Variants in PODXL observed in about 807,000 individuals in gnomAD.
PODXL encodes podocalyxin.
In PODXL, 20 loss-of-function variants were observed where a neutral mutation model predicts 48.9. The observed-to-expected ratio is 0.41, with a 90% confidence interval of 0.29 to 0.59. The LOEUF (loss-of-function observed/expected upper bound fraction) is 0.59, where lower values mean the gene tolerates loss of function less well. PODXL is among the 20% of genes least tolerant of loss of function. The pLI is 0.31. For missense variants in PODXL, 606 were observed against 675.1 expected, an observed-to-expected ratio of 0.90 and a Z score of 1.13; for synonymous variants, 295 against 287.4, an observed-to-expected ratio of 1.03 and a Z score of -0.27.
chr7:131,505,349 AG>A (rs1797779992), intron 8 of PODXL, among the ~76,000 whole-genome samples: 1 of 152,170 alleles, frequency 6.6e-6, no homozygotes, highest in Non-Finnish European at 1.5e-5. Flanking sequence ...GGACTAACCA[AG>A]TCTCCCTGAC....
At chr7:131,523,310 C>A (rs1284316143) in intron 1 of PODXL, among the ~76,000 whole-genome samples, 1 of 152,066 alleles carries the variant, frequency 6.6e-6, no homozygotes, top group Non-Finnish European at 1.5e-5. Flanking sequence ...GACATAATGA[C>A]CAAGTGAGGC....
At position 131,510,998 on chromosome 7, in the gene PODXL, G is replaced by A. The variant is rs140017492; in HGVS notation, c.536C>T (p.Thr179Met). 2.5e-5 allele frequency: 40 copies of A among 1,614,150 alleles called. No homozygotes were observed. In the African/African-American group the frequency reaches 3.3e-4, roughly 13 times the overall value. ...AAGTGGACTTGTAGGGTGAGGGGTC[G>A]TCAGATGTTCTGCCTTAGTGGATGT... The part of the protein sequence containing the change: ...DLTSTKAEHL[T>M]TPHPTSPLSP... The change falls in exon 2 of 9, where the codon ACG becomes ATG. Residue 179 changes from threonine to methionine, a missense_variant. Physicochemically the swap from Thr to Met is moderately conservative, Grantham distance 81 (BLOSUM62 -1). Coordinates refer to ENST00000378555, the MANE Select transcript of PODXL (RefSeq NM_001018111.3).
chr7:131,523,070 GT>G lies in PODXL; in HGVS notation c.101-11638del, dbSNP rs1172731535. On this transcript the variant is annotated intron_variant, in intron 1 of 8. Coordinates refer to ENST00000378555, the MANE Select transcript of PODXL (RefSeq NM_001018111.3). ...AGGATTGGAATTGCTAGGTCATATG[GT>G]AACTCTTTATTTAGTATCTGGAGGG... is the stretch of plus-strand genomic sequence containing the variant. Among the ~76,000 whole-genome samples the G allele has an allele frequency of 4.6e-5, 7 of 152,266 alleles. No homozygotes were observed. The South Asian group carries it at 1.0e-3, about 23-fold the overall frequency.
At position 131,509,004 on chromosome 7, in the gene PODXL, G is replaced by C. The variant is rs773408435; in HGVS notation, c.1048C>G (p.Gln350Glu). Residue 350 changes from glutamine to glutamate, a missense_variant, in exon 5 of 9, where the codon CAG becomes GAG. Transcript: ENST00000378555. Reference sequence around the variant, plus strand: ...ACGAGCTGCTTCTCACTCTGTGTCTGTGTCTCAAGATCCTCACACTTTGCC... The same window carrying C: ...ACGAGCTGCTTCTCACTCTGTGTCTCTGTCTCAAGATCCTCACACTTTGCC... ...NWAKCEDLET[Q>E]TQSEKQLVLN... 1 of 1,613,936 alleles carries C rather than the reference G, an allele frequency of 6.2e-7. No individual in the cohort carries two copies. The highest frequency in any genetic ancestry group is 2.2e-5 in the East Asian group (1 of 44,882).
chr7:131,525,625 T>C lies in PODXL; in HGVS notation c.101-14192A>G, dbSNP rs562745310. Among the ~76,000 whole-genome samples the C allele has an allele frequency of 1.2e-4, 18 of 150,460 alleles. No individual in the cohort carries two copies. The South Asian group carries it at 3.8e-3, about 32-fold the overall frequency. On this transcript the variant is annotated intron_variant, in intron 1 of 8. Transcript: ENST00000378555. ...CAAAAAAAAAAACACAAAAAAAGTA[T>C]AACATAACCTCGCTGAAGAGGGTGG...
At chr7:131,544,587 G>A (rs1376269979) in intron 1 of PODXL, among the ~76,000 whole-genome samples, 5 of 152,184 alleles carry the variant, frequency 3.3e-5, no homozygotes, top group African/African-American at 1.2e-4. Flanking sequence ...TCAGGGAGGC[G>A]TGGGCAGGAG....
chr7:131,532,157 C>T (rs1222610022), intron 1 of PODXL, among the ~76,000 whole-genome samples: 2 of 148,940 alleles, frequency 1.3e-5, no homozygotes, highest in Non-Finnish European at 3.0e-5. Flanking sequence ...CACACGTGGC[C>T]GGGCGTGGTG....
chr7:131,520,988 C>T (rs919215090), intron 1 of PODXL, among the ~76,000 whole-genome samples: 1 of 151,968 alleles, frequency 6.6e-6, no homozygotes, highest in Non-Finnish European at 1.5e-5. Context: ...GCCAATATGG[C>T]GAAATCCCAT....
At chr7:131,530,851 G>A (rs1226510244) in intron 1 of PODXL, among the ~76,000 whole-genome samples, 1 of 152,036 alleles carries the variant, frequency 6.6e-6, no homozygotes, top group Non-Finnish European at 1.5e-5. Flanking sequence ...CTGAGGTCGG[G>A]AGTATGAGAC....
At chr7:131,526,054 G>C (rs753512139) in intron 1 of PODXL, among the ~76,000 whole-genome samples, 1 of 152,220 alleles carries the variant, frequency 6.6e-6, no homozygotes, top group Non-Finnish European at 1.5e-5. Context: ...CAGTAGCATA[G>C]GGTACACCCA....
intron 1 of PODXL, among the ~76,000 whole-genome samples, chr7:131,545,419 C>G (rs1798559397): frequency 6.6e-6 from 1 of 152,208 alleles, no homozygotes; most frequent in South Asian, 2.1e-4. Flanking sequence ...TTACGCAGGA[C>G]TGTCTGGGTT....
At chr7:131,508,901 A>C (rs769013072) in intron 5 of PODXL, 50 bp downstream of exon 5, 2 of 1,263,412 alleles carry the variant, frequency 1.6e-6, no homozygotes, top group Non-Finnish European at 2.3e-6. Flanking sequence ...TCCCTCCCTC[A>C]GCCCTGCTGT....
chr7:131,544,863 CA>C (rs1584831650), intron 1 of PODXL, among the ~76,000 whole-genome samples: 1 of 152,324 alleles, frequency 6.6e-6, no homozygotes, highest in East Asian at 1.9e-4. Context: ...GGAACAATGA[CA>C]GCATGAAGGT....
At chr7:131,543,738 A>C (rs1798520002) in intron 1 of PODXL, among the ~76,000 whole-genome samples, 1 of 152,152 alleles carries the variant, frequency 6.6e-6, no homozygotes, top group Admixed American at 6.5e-5. Flanking sequence ...TGAGATGAAG[A>C]AAGGGCCGAG....
At position 131,504,179 on chromosome 7, in the gene PODXL, TG is replaced by T; in HGVS notation, c.*131del. 1 of 691,492 alleles carries T rather than the reference TG, an allele frequency of 1.4e-6. No individual in the cohort carries two copies. The allele number at this position is 691,492 out of a possible 1,614,324, so 42.8% of individuals were successfully genotyped here. A position where few individuals can be genotyped will look rare whatever the true frequency, so the allele number is the denominator to read the frequency against. On this transcript the variant is annotated 3_prime_UTR_variant, in exon 9 of 9. Coordinates refer to ENST00000378555, the MANE Select transcript of PODXL (RefSeq NM_001018111.3). ...GTTGAAAAGGGAAAAATTAAGGCCC[TG>T]GGGGGATTGGGAGGGGACACCCCTC...
Position 131,510,890 on chromosome 7 carries a change from C to T in PODXL, c.644G>A (p.Ser215Asn), listed in dbSNP as rs1367099853. Reference protein sequence around the residue: ...GHDHLMKISSSSSTVAIPGYT... With the variant: ...GHDHLMKISSNSSTVAIPGYT... ...GCCAGGGATAGCCACAGTGCTTGAA[C>T]TGCTTGAAATTTTCATAAGATGGTC... Residue 215 changes from serine to asparagine, a missense_variant, in exon 2 of 9, where the codon AGT becomes AAT. Physicochemically the swap from Ser to Asn is conservative, Grantham distance 46. Coordinates refer to ENST00000378555, the MANE Select transcript of PODXL (RefSeq NM_001018111.3). 5.0e-6 allele frequency: 8 copies of T among 1,614,118 alleles called. No homozygotes were observed. Among genetic ancestry groups the T allele is most frequent in the South Asian group, 2.2e-5 (2 of 91,072 alleles).
intron 1 of PODXL, among the ~76,000 whole-genome samples, chr7:131,536,995 C>T (rs1327341320): frequency 6.6e-6 from 1 of 152,074 alleles, no homozygotes; most frequent in African/African-American, 2.4e-5. Context: ...TGTGGTGGCG[C>T]ACACCTGTAG....
chr7:131,510,189 GTAAGTA>G, intron 3 of PODXL, 41 bp downstream of exon 3: 1 of 442,932 alleles, frequency 2.3e-6, no homozygotes, highest in East Asian at 7.4e-5. Flanking sequence ...TAAATAATAA[GTAAGTA>G]AGTAAGTAAA....
intron 1 of PODXL, among the ~76,000 whole-genome samples, chr7:131,546,990 C>T (rs1413479812): frequency 1.3e-5 from 2 of 152,164 alleles, no homozygotes; most frequent in Non-Finnish European, 2.9e-5. Context: ...CCTGTGAGGT[C>T]GCAGAGGATG....
Sources: allele counts gnomAD v4.1 joint callset (sites outside exome capture counted in the v4.1 genomes callset), GRCh38; gene constraint gnomAD v4.1.1; transcripts MANE v1.5; gene names NCBI Gene and HGNC (gene_info 2026-07-23, HGNC 2026-07-21).